UST: variants seen among roughly 807,000 people sequenced by gnomAD.
UST encodes the protein uronyl 2-sulfotransferase.
In UST, 21 loss-of-function variants were observed where a neutral mutation model predicts 45.6. The observed-to-expected ratio is 0.46, with a 90% CI of 0.33 to 0.66. The LOEUF is 0.66. UST is among the 30% of genes least tolerant of loss of function. The pLI is 0.02. For missense variants in UST, 463 were observed against 512.4 expected, an observed-to-expected ratio of 0.90 and a Z score of 0.93; for synonymous variants, 215 against 200.6, an observed-to-expected ratio of 1.07 and a Z score of -0.61.
intron 1 of UST, among the ~76,000 whole-genome samples, chr6:148,869,596 A>G (rs1562283137): frequency 6.6e-6 from 1 of 152,206 alleles, no homozygotes. Context: ...GGATGGTTCT[A>G]TCTGTCCCAC....
intron 5 of UST, among the ~76,000 whole-genome samples, chr6:149,002,265 G>T (rs1364260252): frequency 6.6e-6 from 1 of 151,610 alleles, no homozygotes; most frequent in Non-Finnish European, 1.5e-5. Flanking sequence ...GACATGAAAA[G>T]AAAAAAGATG....
At chr6:148,924,298 T>C (rs1779770947) in intron 2 of UST, among the ~76,000 whole-genome samples, 1 of 152,198 alleles carries the variant, frequency 6.6e-6, no homozygotes, top group African/African-American at 2.4e-5. Flanking sequence ...CCTGCCCTGC[T>C]CACCCCCACT....
chr6:149,025,841 T>C lies in UST; in HGVS notation c.937+4360T>C, dbSNP rs377199666. Reference sequence around the variant, plus strand: ...GCCTGAGCAACATAGCAAAAGCTCGTCTCTACTAAAAATACAAAAAAAAAA... The same window carrying C: ...GCCTGAGCAACATAGCAAAAGCTCGCCTCTACTAAAAATACAAAAAAAAAA... On this transcript the variant is annotated intron_variant, in intron 7 of 7. Coordinates refer to ENST00000367463, the MANE Select transcript of UST (RefSeq NM_005715.3). Among the ~76,000 whole-genome samples, 63 of 151,592 alleles carry C rather than the reference T, an allele frequency of 4.2e-4. 2 individuals are homozygous for C. In the South Asian group the frequency reaches 0.013, roughly 31 times the overall value.
chr6:148,856,806 G>A (rs1397695067), intron 1 of UST, among the ~76,000 whole-genome samples: 2 of 152,008 alleles, frequency 1.3e-5, no homozygotes, highest in Non-Finnish European at 2.9e-5. Context: ...TGGAGAATTG[G>A]GATCTAAACT....
rs1779988176 is a variant in UST at position 148,934,790 on chromosome 6, C to G, written c.292-6489C>G. On this transcript the variant is annotated intron_variant, in intron 2 of 7. Coordinates refer to ENST00000367463, the MANE Select transcript of UST (RefSeq NM_005715.3). The surrounding 1 kb of genome is among the most constrained non-coding windows in gnomAD (Gnocchi z 4.1). ...GCTTTTTAGAGAGAGACTCCTGACT[C>G]TCATCCTAGACTGTGATTCAGTTCG... Among the ~76,000 whole-genome samples the G allele has an allele frequency of 6.6e-6, 1 of 152,216 alleles. No homozygotes were observed. The highest frequency in any genetic ancestry group is 2.4e-5 in the African/African-American group (1 of 41,452).
intron 7 of UST, among the ~76,000 whole-genome samples, chr6:149,056,020 C>T (rs918709380): frequency 8.6e-5 from 13 of 151,022 alleles, no homozygotes; most frequent in African/African-American, 3.2e-4. Context: ...TTTTCCCAGG[C>T]TGCATTTGCA....
rs151242935 is a variant in UST at position 149,050,320 on chromosome 6, G to A, written c.938-23513G>A. Among the ~76,000 whole-genome samples the A allele has an allele frequency of 5.9e-5, 9 of 152,270 alleles. No homozygotes were observed. The East Asian group carries it at 1.3e-3, about 23-fold the overall frequency. On this transcript the variant is annotated intron_variant, in intron 7 of 7. Coordinates refer to ENST00000367463, the MANE Select transcript of UST (RefSeq NM_005715.3). ...TATTATAATGATGGTTTAGCAAATC[G>A]GATGGGGACTCATCAGCTATTTTCA... is the stretch of plus-strand genomic sequence containing the variant.
At chr6:148,900,825 A>G (rs1779239887) in intron 2 of UST, among the ~76,000 whole-genome samples, 1 of 152,248 alleles carries the variant, frequency 6.6e-6, no homozygotes, top group South Asian at 2.1e-4. Context: ...AAGAGTCAGC[A>G]GAGATGCGTT....
intron 3 of UST, among the ~76,000 whole-genome samples, chr6:148,946,985 C>G (rs1209390695): frequency 6.6e-6 from 1 of 150,868 alleles, no homozygotes; most frequent in East Asian, 1.9e-4. Context: ...TTCTAATCCT[C>G]GAGGCAACAT....
chr6:148,877,913 C>T lies in UST; in HGVS notation c.248-9073C>T, dbSNP rs534064026. 1.5e-4 allele frequency among the ~76,000 whole-genome samples: 5 copies of T among 34,436 alleles called. No individual in the cohort carries two copies. In the South Asian group the frequency reaches 3.0e-3, roughly 21 times the overall value. The allele number at this position is 34,436 out of a possible 152,430, so 22.6% of individuals were successfully genotyped here. ...GAGTTTGGGGGGTCATGTACGAGTGCGGAGATTGTGTATGAGTGGGGGGGT... is the reference window on the plus strand; with the variant it reads ...GAGTTTGGGGGGTCATGTACGAGTGTGGAGATTGTGTATGAGTGGGGGGGT... On this transcript the variant is annotated intron_variant, in intron 1 of 7. Transcript: ENST00000367463.
chr6:148,969,609 T>C (rs1431299501), intron 5 of UST, among the ~76,000 whole-genome samples: 2 of 152,196 alleles, frequency 1.3e-5, no homozygotes, highest in Non-Finnish European at 1.5e-5. Flanking sequence ...CATTTCAGTA[T>C]TGATGCTCCC....
At chr6:148,820,287 A>T (rs1180171958) in intron 1 of UST, among the ~76,000 whole-genome samples, 1 of 152,138 alleles carries the variant, frequency 6.6e-6, no homozygotes, top group East Asian at 1.9e-4. Flanking sequence ...CAAGGTAATC[A>T]TACTTGTTTT....
rs150145609 is a variant in UST, at chr6:148,790,021, G to A, written c.247+42344G>A. Among the ~76,000 whole-genome samples, 428 of 120,086 alleles carry A rather than the reference G, an allele frequency of 3.6e-3. 3 individuals carry two copies. Among genetic ancestry groups the A allele is most frequent in the African/African-American group, 0.012 (395 of 32,724 alleles). The allele number at this position is 120,086 out of a possible 152,430, so 78.8% of individuals were successfully genotyped here. A position where few individuals can be genotyped will look rare whatever the true frequency, so the allele number is the denominator to read the frequency against. The stretch of plus-strand genomic sequence containing the variant: ...TTTTTTTTTTTTTCCAGCTTTAAGT[G>A]CCTATCCTTTTTGTCTGGGAAGGCT... On this transcript the variant is annotated intron_variant, in intron 1 of 7. Transcript: ENST00000367463. This position sits in a 1 kb window ranked among gnomAD's most constrained non-coding sequence, Gnocchi z 4.2.
At chr6:148,811,335 G>T (rs1011610520) in intron 1 of UST, among the ~76,000 whole-genome samples, 5 of 152,136 alleles carry the variant, frequency 3.3e-5, no homozygotes, top group African/African-American at 1.2e-4. Flanking sequence ...GCTATATGAG[G>T]CCTAAGCTCA....
chr6:148,957,388 G>A (rs1426914595), intron 4 of UST, among the ~76,000 whole-genome samples: 2 of 152,140 alleles, frequency 1.3e-5, no homozygotes, highest in African/African-American at 4.8e-5. Flanking sequence ...AAATTTCTCT[G>A]TCAATATGCA....
chr6:148,935,700 A>G (rs1180277578), intron 2 of UST, among the ~76,000 whole-genome samples: 3 of 152,142 alleles, frequency 2.0e-5, no homozygotes, highest in East Asian at 1.9e-4. Flanking sequence ...GCAGTTGACA[A>G]TATTTGAGGC....
At chr6:149,062,874 A>G (rs1027179347) in intron 7 of UST, among the ~76,000 whole-genome samples, 7 of 152,248 alleles carry the variant, frequency 4.6e-5, no homozygotes, top group Admixed American at 2.0e-4. Flanking sequence ...GTGAAAGCGC[A>G]TTAATCCACA....
chr6:148,889,227 A>C (rs1217528479), intron 2 of UST, among the ~76,000 whole-genome samples: 1 of 152,256 alleles, frequency 6.6e-6, no homozygotes, highest in African/African-American at 2.4e-5. Context: ...TCTGGAGTTC[A>C]CATTGGAGAG....
intron 2 of UST, among the ~76,000 whole-genome samples, chr6:148,909,809 C>T (rs985517420): frequency 2.0e-5 from 3 of 152,046 alleles, no homozygotes; most frequent in African/African-American, 7.3e-5. Context: ...AGCACTGTCC[C>T]CCCCGCCACA....
Sources: gnomAD v4.1 joint callset for allele counts (sites outside exome capture counted in the v4.1 genomes callset) on GRCh38, gnomAD v4.1.1 for gene constraint, Gnocchi (gnomAD v3.1) non-coding constraint, MANE v1.5 for transcripts, NCBI Gene and HGNC (gene_info 2026-07-23, HGNC 2026-07-21) for gene names.